JAKMIP1: variants seen among roughly 807,000 people sequenced by gnomAD.
JAKMIP1 encodes the protein janus kinase and microtubule-interacting protein 1.
In JAKMIP1, 33 loss-of-function variants were observed where a neutral mutation model predicts 113.0. That is an observed-to-expected ratio of 0.29 (90% CI 0.22 to 0.39). JAKMIP1 has a LOEUF of 0.39. Ranked by LOEUF, JAKMIP1 falls within the 10% of genes least tolerant of loss-of-function variation. The pLI, the probability that JAKMIP1 is intolerant of heterozygous loss-of-function variation, is 1.00. For synonymous variants in JAKMIP1, 480 were observed against 459.9 expected, an observed-to-expected ratio of 1.04 and a Z score of -0.56; for missense variants, 813 against 1,080.5, an observed-to-expected ratio of 0.75 and a Z score of 3.47.
chr4:6,105,615 G>C lies in JAKMIP1; in HGVS notation c.482C>G (p.Ala161Gly). The change falls in exon 3 of 21, where the codon GCG becomes GGG. Residue 161 changes from alanine (A) to glycine (G), a missense_variant. By Grantham distance (60) the Ala-to-Gly change is moderately conservative. Around this residue, in one of 2 missense-constraint regions of JAKMIP1, gnomAD observed 540 missense variants for 653.9 expected, o/e 0.83. Coordinates refer to ENST00000409021, the MANE Select transcript of JAKMIP1 (RefSeq NM_001099433.2). ...LQQEILELKA[A>G]RKQAEEALSN... is the part of the protein sequence containing the mutation. ...GAGCGCCTCCTCTGCCTGCTTGCGC[G>C]CTGCCTTGAGCTCCAGGATCTCCTG... is the stretch of plus-strand genomic sequence containing the variant. 1 of 1,594,304 alleles carries C rather than the reference G, an allele frequency of 6.3e-7. No homozygotes were observed. Among genetic ancestry groups the C allele is most frequent in the African/African-American group, 1.3e-5 (1 of 74,810 alleles).
chr4:6,047,491 G>A (rs941805945), intron 16 of JAKMIP1, among the ~76,000 whole-genome samples: 1 of 152,206 alleles, frequency 6.6e-6, no homozygotes, highest in Non-Finnish European at 1.5e-5. Flanking sequence ...AGCCGGCCAG[G>A]TGTGAGTCAT....
chr4:6,186,028 T>C lies in JAKMIP1; in HGVS notation c.-148+14225A>G, dbSNP rs900008997. Among the ~76,000 whole-genome samples the C allele has an allele frequency of 6.6e-6, 1 of 151,890 alleles. No individual in the cohort carries two copies. The highest frequency in any genetic ancestry group is 1.5e-5 in the Non-Finnish European group (1 of 67,990). ...GGGAGAAGAGGGGCACTCCATTCAG[T>C]AATGGAGATGAAAGTGGACACAGCC... On this transcript the variant is annotated intron_variant, in intron 1 of 20. Coordinates refer to ENST00000409021, the MANE Select transcript of JAKMIP1 (RefSeq NM_001099433.2). The surrounding 1 kb of genome is among the most constrained non-coding windows in gnomAD (Gnocchi z 5.5).
At chr4:6,041,014 G>C (rs1189168535) in intron 17 of JAKMIP1, among the ~76,000 whole-genome samples, 2 of 152,128 alleles carry the variant, frequency 1.3e-5, no homozygotes, top group Admixed American at 6.5e-5. Context: ...CAAGGCGCAA[G>C]TCACAGGAGT....
rs746918858 is a variant in JAKMIP1 at position 6,084,841 on chromosome 4, C to T, written c.954+5G>A. On this transcript the variant is annotated splice_donor_5th_base_variant and intron_variant, in intron 5 of 20. Coordinates refer to ENST00000409021, the MANE Select transcript of JAKMIP1 (RefSeq NM_001099433.2). ...AGGCACCGCCTGTCTCTTGGGGCTA[C>T]TTACCAGTTCATTCCTCTCATCTGC... 6.2e-7 allele frequency: 1 copy of T among 1,610,470 alleles called. No homozygotes were observed. The highest frequency in any genetic ancestry group is 1.1e-5 in the South Asian group (1 of 89,948).
chr4:6,072,556 C>T (rs1010217525), intron 8 of JAKMIP1, among the ~76,000 whole-genome samples: 1 of 152,178 alleles, frequency 6.6e-6, no homozygotes, highest in Admixed American at 6.5e-5. Context: ...CAGTTACACA[C>T]CAACCGAGGC....
chr4:6,043,321 C>CA (rs1260945683), intron 16 of JAKMIP1, among the ~76,000 whole-genome samples: 1 of 152,022 alleles, frequency 6.6e-6, no homozygotes, highest in Non-Finnish European at 1.5e-5. Context: ...CAGGCTCCCC[C>CA]AGCTTCCTTG....
At position 6,112,817 on chromosome 4, in the gene JAKMIP1, G is replaced by A. The variant is rs758646645; in HGVS notation, c.34C>T (p.Pro12Ser). Residue 12 changes from proline to serine, a missense_variant, in exon 2 of 21, where the codon CCC (proline) becomes TCC (serine). Transcript: ENST00000409021. ...TGCACCGCGTCCGTCTCCATCTCGG[G>A]CTTCTCGCCCTTGCTCCGGCCTTTC... The part of the protein sequence containing the change: ...SKKGRSKGEK[P>S]EMETDAVQMA... 3.5e-5 allele frequency: 57 copies of A among 1,613,924 alleles called. No homozygotes were observed. Among genetic ancestry groups the A allele is most frequent in the Non-Finnish European group, 4.8e-5 (57 of 1,180,042 alleles).
At chr4:6,053,038 C>T (rs910043817) in intron 13 of JAKMIP1, among the ~76,000 whole-genome samples, 16 of 152,212 alleles carry the variant, frequency 1.1e-4, no homozygotes, top group African/African-American at 3.9e-4. Flanking sequence ...TGAAGGTGCT[C>T]ACTTTGAGGG....
Position 6,176,554 on chromosome 4 carries a change from G to A in JAKMIP1, c.-148+23699C>T, listed in dbSNP as rs143211424. ...GACGCAGCACTGTACCACATCACCC[G>A]GACACACTCAGAATGGGGCAATGGG... On this transcript the variant is annotated intron_variant, in intron 1 of 20. Transcript: ENST00000409021. The surrounding 1 kb of genome is among the most constrained non-coding windows in gnomAD (Gnocchi z 5.5). 9.6e-3 allele frequency among the ~76,000 whole-genome samples: 1,457 copies of A among 152,250 alleles called. 22 individuals are homozygous for A. Among genetic ancestry groups the A allele is most frequent in the African/African-American group, 0.033 (1,373 of 41,538 alleles).
rs1373475513 is a variant in JAKMIP1 at position 6,067,494 on chromosome 4, C to A, written c.1303-2486G>T. On this transcript the variant is annotated intron_variant, in intron 8 of 20. Coordinates refer to ENST00000409021, the MANE Select transcript of JAKMIP1 (RefSeq NM_001099433.2). The surrounding 1 kb of genome is among the most constrained non-coding windows in gnomAD (Gnocchi z 4.6). ...GAGAACCCCACCCGACTTCAGGCAT[C>A]ATGGACTCTTCCAACCAGCTCTAGA... Among the ~76,000 whole-genome samples the A allele has an allele frequency of 1.3e-5, 2 of 152,174 alleles. No homozygotes were observed. The highest frequency in any genetic ancestry group is 4.8e-5 in the African/African-American group (2 of 41,428).
In JAKMIP1 at chr4:6,193,574, C is replaced by G. The variant is rs1727518458; in HGVS notation, c.-148+6679G>C. Reference sequence around the variant, plus strand: ...TTTCTGCAACCGAAAGAAAGGCAGCCAGGGCTCCCTGCGCTGTGCCAGCTG... The same window carrying G: ...TTTCTGCAACCGAAAGAAAGGCAGCGAGGGCTCCCTGCGCTGTGCCAGCTG... On this transcript the variant is annotated intron_variant, in intron 1 of 20. Transcript: ENST00000409021. This position sits in a 1 kb window ranked among gnomAD's most constrained non-coding sequence, Gnocchi z 6.4. Among the ~76,000 whole-genome samples, 1 of 152,212 alleles carries G rather than the reference C, an allele frequency of 6.6e-6. No homozygotes were observed. Among genetic ancestry groups the G allele is most frequent in the African/African-American group, 2.4e-5 (1 of 41,466 alleles).
chr4:6,125,404 C>G (rs1717271307), intron 1 of JAKMIP1, among the ~76,000 whole-genome samples: 1 of 152,162 alleles, frequency 6.6e-6, no homozygotes, highest in Non-Finnish European at 1.5e-5. Flanking sequence ...ATGCCACTCT[C>G]CCAGCTCCAT....
At chr4:6,159,433 G>A (rs1722635185) in intron 1 of JAKMIP1, among the ~76,000 whole-genome samples, 2 of 152,092 alleles carry the variant, frequency 1.3e-5, no homozygotes, top group African/African-American at 4.8e-5. Context: ...AAAAATCTGT[G>A]ACACATAACA....
intron 1 of JAKMIP1, among the ~76,000 whole-genome samples, chr4:6,151,724 C>A (rs75169914): frequency 0.014 from 2,207 of 152,298 alleles, 49 homozygotes; most frequent in African/African-American, 0.049. Context: ...TCTCAATAGC[C>A]ATTGAAGCTG....
chr4:6,165,180 C>A (rs1288765759), intron 1 of JAKMIP1, among the ~76,000 whole-genome samples: 2 of 152,216 alleles, frequency 1.3e-5, no homozygotes, highest in African/African-American at 4.8e-5. Flanking sequence ...CCACTCTGAT[C>A]AGTCAACAGC....
At position 6,183,290 on chromosome 4, in the gene JAKMIP1, C is replaced by G. The variant is rs1016584084; in HGVS notation, c.-148+16963G>C. ...GGTCAGGAGTTTGAGACCAGTCTGG[C>G]CAACATGGTGAAACTCCGTCTGTAC... On this transcript the variant is annotated intron_variant, in intron 1 of 20. Coordinates refer to ENST00000409021, the MANE Select transcript of JAKMIP1 (RefSeq NM_001099433.2). This position sits in a 1 kb window ranked among gnomAD's most constrained non-coding sequence, Gnocchi z 5.3. 4.0e-5 allele frequency among the ~76,000 whole-genome samples: 6 copies of G among 151,800 alleles called. No individual in the cohort carries two copies. The highest frequency in any genetic ancestry group is 8.8e-5 in the Non-Finnish European group (6 of 67,952).
chr4:6,075,094 G>A (rs1232290174), intron 8 of JAKMIP1, among the ~76,000 whole-genome samples: 1 of 152,234 alleles, frequency 6.6e-6, no homozygotes, highest in African/African-American at 2.4e-5. Flanking sequence ...AAAAAAGTCC[G>A]GGAGGTGGAG....
chr4:6,136,125 A>G lies in JAKMIP1; in HGVS notation c.-147-23128T>C, dbSNP rs1328853999. ...GCCGGGCATGGTGGTGGGTTCCTGTATTCCCAGCTGCTGGGGAGGCTGAGG... is the reference window on the plus strand; with the variant it reads ...GCCGGGCATGGTGGTGGGTTCCTGTGTTCCCAGCTGCTGGGGAGGCTGAGG... On this transcript the variant is annotated intron_variant, in intron 1 of 20. Coordinates refer to ENST00000409021, the MANE Select transcript of JAKMIP1 (RefSeq NM_001099433.2). The surrounding 1 kb of genome is among the most constrained non-coding windows in gnomAD (Gnocchi z 5.9). 6.6e-6 allele frequency among the ~76,000 whole-genome samples: 1 copy of G among 152,116 alleles called. No individual in the cohort carries two copies. Among genetic ancestry groups the G allele is most frequent in the Non-Finnish European group, 1.5e-5 (1 of 68,034 alleles).
intron 1 of JAKMIP1, among the ~76,000 whole-genome samples, chr4:6,170,432 G>GCACCCTTACCACCATCACCA (rs1724365220): frequency 7.5e-4 from 1 of 1,334 alleles, no homozygotes; most frequent in African/African-American, 3.7e-3. Flanking sequence ...CATCACCATA[G>GCACCCTTACCACCATCACCA]TCACCACCAC....
Sources: allele counts gnomAD v4.1 joint callset (sites outside exome capture counted in the v4.1 genomes callset), GRCh38; gene constraint gnomAD v4.1.1; regional missense constraint gnomAD v4.1.1; non-coding constraint Gnocchi (gnomAD v3.1); transcripts MANE v1.5; gene names NCBI Gene and HGNC (gene_info 2026-07-23, HGNC 2026-07-21).